COL4A3: variants seen among roughly 807,000 people sequenced by gnomAD.
COL4A3 encodes collagen type IV alpha 3 chain.
In COL4A3, 135 loss-of-function variants were observed where a neutral mutation model predicts 217.4. The observed-to-expected ratio is 0.62, with a 90% CI of 0.54 to 0.72. The LOEUF (loss-of-function observed/expected upper bound fraction) is 0.72. Among genes scored for constraint, COL4A3 ranks in the 30% least tolerant of loss-of-function variants. The pLI is 0.00. For synonymous variants in COL4A3, 690 were observed against 736.3 expected, an observed-to-expected ratio of 0.94 and a Z score of 1.02; for missense variants, 1,868 against 2,119.9, an observed-to-expected ratio of 0.88 and a Z score of 2.33.
intron 1 of COL4A3, among the ~76,000 whole-genome samples, chr2:227,235,686 G>A (rs1248204864): frequency 1.3e-5 from 2 of 151,012 alleles, no homozygotes; most frequent in East Asian, 1.9e-4. Context: ...AATATGCGAC[G>A]TTTAGTTTTC....
In COL4A3 at chr2:227,297,703, T is replaced by A. The variant is rs779975412; in HGVS notation, c.3595T>A (p.Phe1199Ile). Residue 1199 changes from phenylalanine to isoleucine, a missense_variant, in exon 42 of 52, where the codon TTT becomes ATT. By Grantham distance (21) the Phe-to-Ile change is conservative. Transcript: ENST00000396578. ...GAKGDRGAPG[F>I]PGLPGRKGAM... The stretch of plus-strand genomic sequence containing the variant: ...CAAAGGAGACAGGGGAGCCCCAGGT[T>A]TTCCTGGCCTCCCGGGCAGAAAAGG... 5.0e-6 allele frequency: 8 copies of A among 1,609,042 alleles called. No homozygotes were observed. In the African/African-American group the frequency reaches 9.3e-5, roughly 19 times the overall value.
At chr2:227,272,215 C>T (rs566018816) in intron 25 of COL4A3, among the ~76,000 whole-genome samples, 2 of 152,076 alleles carry the variant, frequency 1.3e-5, no homozygotes, top group Non-Finnish European at 2.9e-5. Flanking sequence ...GTATGATGTC[C>T]CTACTTGCAT....
At chr2:227,244,777 G>A in intron 4 of COL4A3, 174 bp from the exon 5 acceptor site, 1 of 797,948 alleles carries the variant, frequency 1.3e-6, no homozygotes, top group Non-Finnish European at 2.2e-6. Flanking sequence ...ATAAATGTGA[G>A]ATTTACAAAA....
chr2:227,308,172 C>T (rs1239346415), intron 48 of COL4A3, among the ~76,000 whole-genome samples: 1 of 152,174 alleles, frequency 6.6e-6, no homozygotes, highest in Non-Finnish European at 1.5e-5. Flanking sequence ...CTAAAACTCC[C>T]TAAACCACCT....
At chr2:227,301,262 C>A (rs1031239217) in intron 43 of COL4A3, among the ~76,000 whole-genome samples, 33 of 152,272 alleles carry the variant, frequency 2.2e-4, no homozygotes, top group African/African-American at 7.7e-4. Context: ...GTAGAGAGAG[C>A]TACCATGGCA....
At chr2:227,280,415 T>G (rs749049330) in intron 29 of COL4A3, 25 bp from the exon 30 acceptor site, 2 of 1,612,950 alleles carry the variant, frequency 1.2e-6, no homozygotes, top group Non-Finnish European at 1.7e-6. Flanking sequence ...CACTATATAG[T>G]AATAACACAA....
Position 227,263,640 on chromosome 2 carries a change from C to G in COL4A3, c.1151-140C>G, listed in dbSNP as rs939582672. 4 of 877,776 alleles carry G rather than the reference C, an allele frequency of 4.6e-6. No individual in the cohort carries two copies. The African/African-American group carries it at 6.8e-5, about 15-fold the overall frequency. 54.4% of individuals were successfully genotyped at this position (877,776 alleles called of 1,614,324 possible). Reference sequence around the variant, plus strand: ...CAGATGAAAAAAGCAAGGATATTCACTTTTTTATTTTATATGTGTTATGTA... The same window carrying G: ...CAGATGAAAAAAGCAAGGATATTCAGTTTTTTATTTTATATGTGTTATGTA... On this transcript the variant is annotated intron_variant, in intron 20 of 51. Transcript: ENST00000396578.
chr2:227,173,751 TATC>T (rs1160064079), intron 1 of COL4A3, among the ~76,000 whole-genome samples: 3 of 152,246 alleles, frequency 2.0e-5, no homozygotes, highest in Admixed American at 2.0e-4. Context: ...TCTGTAATAT[TATC>T]ATTTTAATAT....
intron 1 of COL4A3, among the ~76,000 whole-genome samples, chr2:227,215,335 G>A (rs1406090664): frequency 6.6e-6 from 1 of 150,706 alleles, no homozygotes; most frequent in Non-Finnish European, 1.5e-5. Flanking sequence ...TGCATATATA[G>A]GTTCTTACAA....
At chr2:227,277,609 C>G (rs2071661845) in intron 28 of COL4A3, 56 bp downstream of exon 28, 2 of 992,108 alleles carry the variant, frequency 2.0e-6, no homozygotes, top group Non-Finnish European at 3.1e-6. Flanking sequence ...AGAAGATGTT[C>G]ATATGTATAA....
intron 48 of COL4A3, among the ~76,000 whole-genome samples, chr2:227,308,677 CG>C (rs1211775133): frequency 6.6e-6 from 1 of 152,148 alleles, no homozygotes; most frequent in Non-Finnish European, 1.5e-5. Context: ...AAAGAGCCAC[CG>C]GAAGTATTAA....
At chr2:227,287,742 AT>A (rs2072424843) in intron 34 of COL4A3, among the ~76,000 whole-genome samples, 1 of 152,250 alleles carries the variant, frequency 6.6e-6, no homozygotes, top group Non-Finnish European at 1.5e-5. Flanking sequence ...GAGCTAAAAA[AT>A]ACCACCTCTT....
chr2:227,221,740 C>T (rs145211556), intron 1 of COL4A3, among the ~76,000 whole-genome samples: 205 of 152,122 alleles, frequency 1.3e-3, no homozygotes, highest in Middle Eastern at 6.8e-3. Context: ...TTTTCTTCCC[C>T]CTGTTAGAAC....
intron 4 of COL4A3, 56 bp downstream of exon 4, chr2:227,244,420 G>C (rs1167245133): frequency 6.6e-7 from 1 of 1,515,148 alleles, no homozygotes; most frequent in Non-Finnish European, 9.2e-7. Context: ...TTCACAGTAA[G>C]AGTTATACAA....
At chr2:227,224,699 G>A (rs1017017843) in intron 1 of COL4A3, among the ~76,000 whole-genome samples, 1 of 151,758 alleles carries the variant, frequency 6.6e-6, no homozygotes, top group Admixed American at 6.6e-5. Context: ...AGGTTGCAGT[G>A]AGCCGAGATC....
intron 1 of COL4A3, among the ~76,000 whole-genome samples, chr2:227,211,135 G>A (rs542653725): frequency 6.6e-6 from 1 of 150,430 alleles, no homozygotes; most frequent in East Asian, 1.9e-4. Context: ...TGAGTAGCTG[G>A]GACTACAGGC....
intron 1 of COL4A3, among the ~76,000 whole-genome samples, chr2:227,192,692 G>T (rs1395595566): frequency 6.6e-6 from 1 of 152,164 alleles, no homozygotes; most frequent in Non-Finnish European, 1.5e-5. Context: ...TGGGGAGAAG[G>T]TTAGGGGTGT....
At chr2:227,202,548 T>C (rs2125741178) in intron 1 of COL4A3, among the ~76,000 whole-genome samples, 1 of 151,272 alleles carries the variant, frequency 6.6e-6, no homozygotes, top group South Asian at 2.1e-4. Flanking sequence ...ATCGAGACCA[T>C]CTTGGCTAAC....
chr2:227,180,904 T>C (rs2065849502), intron 1 of COL4A3, among the ~76,000 whole-genome samples: 1 of 152,236 alleles, frequency 6.6e-6, no homozygotes, highest in East Asian at 1.9e-4. Flanking sequence ...TTTCTTGTTT[T>C]TGAAAATATT....
Sources: allele counts gnomAD v4.1 joint callset (sites outside exome capture counted in the v4.1 genomes callset), GRCh38; gene constraint gnomAD v4.1.1; transcripts MANE v1.5; gene names NCBI Gene and HGNC (gene_info 2026-07-23, HGNC 2026-07-21).